Variants in KATNAL2 observed in about 807,000 individuals in gnomAD.
KATNAL2 encodes katanin catalytic subunit A1 like 2, also known as katanin p60 ATPase-containing subunit A-like 2.
A neutral mutation model predicts 76.3 loss-of-function variants in KATNAL2; 52 were observed. The observed-to-expected ratio is 0.68, with a 90% confidence interval of 0.55 to 0.86. The LOEUF is 0.86. Ranked by LOEUF, KATNAL2 falls within the 40% of genes least tolerant of loss-of-function variation. The pLI, the probability that KATNAL2 is intolerant of heterozygous loss-of-function variation, is 0.00. For missense variants in KATNAL2, 660 were observed against 668.9 expected, an observed-to-expected ratio of 0.99 and a Z score of 0.15; for synonymous variants, 243 against 244.2, an observed-to-expected ratio of 1.00 and a Z score of 0.05.
At chr18:47,060,648 C>T (rs940261464) in intron 8 of KATNAL2, among the ~76,000 whole-genome samples, 1 of 152,162 alleles carries the variant, frequency 6.6e-6, no homozygotes, top group African/African-American at 2.4e-5. Context: ...GTGCTCAAAC[C>T]TCTGGAGTGC....
chr18:47,032,031 G>A (rs889385232), intron 3 of KATNAL2, among the ~76,000 whole-genome samples: 3 of 152,166 alleles, frequency 2.0e-5, no homozygotes, highest in Non-Finnish European at 2.9e-5. Flanking sequence ...AGTTAACCCG[G>A]TCCTTTCATG....
At chr18:47,061,331 G>T (rs1435019002) in intron 8 of KATNAL2, among the ~76,000 whole-genome samples, 1 of 152,194 alleles carries the variant, frequency 6.6e-6, no homozygotes, top group Non-Finnish European at 1.5e-5. Flanking sequence ...AAGGCAAGGG[G>T]ACCTGGCATG....
intron 3 of KATNAL2, among the ~76,000 whole-genome samples, chr18:47,039,004 CT>C (rs924412919): frequency 3.9e-5 from 6 of 152,274 alleles, no homozygotes; most frequent in Admixed American, 6.5e-5. Flanking sequence ...CAGAAACAGG[CT>C]CTGTCTGGGG....
chr18:47,083,832 A>G (rs980282220), intron 15 of KATNAL2, among the ~76,000 whole-genome samples: 6 of 152,244 alleles, frequency 3.9e-5, no homozygotes, highest in Non-Finnish European at 8.8e-5. Context: ...CAGGCCCATT[A>G]AGGCAAATGT....
chr18:46,936,082 C>T (rs1428316090), intron 1 of KATNAL2, among the ~76,000 whole-genome samples: 1 of 152,080 alleles, frequency 6.6e-6, no homozygotes, highest in East Asian at 1.9e-4. Context: ...GTGTATGATA[C>T]AGAACCACAA....
intron 15 of KATNAL2, among the ~76,000 whole-genome samples, chr18:47,083,440 C>T (rs1027569133): frequency 6.6e-5 from 10 of 152,238 alleles, no homozygotes; most frequent in East Asian, 5.8e-4. Flanking sequence ...TTGCATCGTC[C>T]GGGGCACTAG....
At chr18:46,927,213 T>C (rs1309588616) in intron 1 of KATNAL2, among the ~76,000 whole-genome samples, 1 of 152,226 alleles carries the variant, frequency 6.6e-6, no homozygotes, top group Non-Finnish European at 1.5e-5. Context: ...GTTTTTGCAG[T>C]GGCTGGTACT....
intron 13 of KATNAL2, among the ~76,000 whole-genome samples, chr18:47,070,986 G>A (rs557527214): frequency 3.3e-5 from 5 of 152,244 alleles, no homozygotes; most frequent in South Asian, 4.2e-4. Context: ...GTTCAGTTAC[G>A]GTTGGCCCTT....
chr18:46,954,621 G>A (rs8086295), intron 3 of KATNAL2, among the ~76,000 whole-genome samples: 6 of 151,888 alleles, frequency 4.0e-5, no homozygotes, highest in South Asian at 2.1e-4. Flanking sequence ...GAGCCCCCGC[G>A]CCTGGCATCT....
chr18:47,072,960 C>A (rs2062058403), intron 13 of KATNAL2, among the ~76,000 whole-genome samples: 1 of 152,080 alleles, frequency 6.6e-6, no homozygotes, highest in African/African-American at 2.4e-5. Context: ...TAGTCTCTTG[C>A]TATTATGAAC....
At chr18:46,925,758 C>A (rs963831557) in intron 1 of KATNAL2, among the ~76,000 whole-genome samples, 2 of 152,134 alleles carry the variant, frequency 1.3e-5, no homozygotes, top group African/African-American at 4.8e-5. Context: ...GCCTCAATTT[C>A]AGAGCCTGTT....
chr18:47,063,253 G>T, intron 9 of KATNAL2, 31 bp from the exon 10 acceptor site: 1 of 1,604,740 alleles, frequency 6.2e-7, no homozygotes, highest in Non-Finnish European at 8.5e-7. Context: ...AAGCAATATT[G>T]TAATGTGAGC....
chr18:47,034,889 G>T, intron 3 of KATNAL2: 1 of 1,612,112 alleles, frequency 6.2e-7, no homozygotes, highest in Non-Finnish European at 8.5e-7. Flanking sequence ...CTGTGCTCAG[G>T]GCTGTGAGAT....
intron 3 of KATNAL2, among the ~76,000 whole-genome samples, chr18:46,960,796 A>G (rs946838350): frequency 3.3e-5 from 5 of 152,240 alleles, no homozygotes; most frequent in African/African-American, 4.8e-5. Context: ...AAGCTTAACA[A>G]CAAGCTCTGA....
At chr18:47,100,224 G>T in intron 16 of KATNAL2, 30 bp from the exon 17 acceptor site, 2 of 1,547,596 alleles carry the variant, frequency 1.3e-6, no homozygotes, top group South Asian at 2.2e-5. Context: ...TCTGCCCACT[G>T]ACCAATGGCT....
chr18:46,928,135 C>T (rs532017166), intron 1 of KATNAL2, among the ~76,000 whole-genome samples: 4 of 152,326 alleles, frequency 2.6e-5, no homozygotes, highest in Admixed American at 6.5e-5. Flanking sequence ...TGAGGAGCTG[C>T]GTTCCTTTGG....
chr18:46,920,171 C>T, intron 1 of KATNAL2: 1 of 809,810 alleles, frequency 1.2e-6, no homozygotes, highest in Non-Finnish European at 1.8e-6. Context: ...AGGTGCTGCC[C>T]TAGACTGGCC....
At chr18:46,926,816 A>G (rs1478510461) in intron 1 of KATNAL2, among the ~76,000 whole-genome samples, 1 of 152,122 alleles carries the variant, frequency 6.6e-6, no homozygotes, top group Non-Finnish European at 1.5e-5. Context: ...TTCTTGTTGA[A>G]TTGATCCCTT....
Position 47,058,316 on chromosome 18 carries a change from G to C in KATNAL2, c.414G>C (p.Gly138=). 6.2e-7 allele frequency: 1 copy of C among 1,613,872 alleles called. No homozygotes were observed. The highest frequency in any genetic ancestry group is 8.5e-7 in the Non-Finnish European group (1 of 1,179,824). Residue 138 remains glycine (G), a synonymous_variant, in exon 7 of 18, where the codon GGG becomes GGC. Coordinates refer to ENST00000683218, the MANE Select transcript of KATNAL2 (RefSeq NM_001387690.1). Reference sequence around the variant, plus strand: ...CCAAAACCACAGCGGGGAAGACAGGGGACACCAAATCGCTCAATAAGGAGC... The same window carrying C: ...CCAAAACCACAGCGGGGAAGACAGGCGACACCAAATCGCTCAATAAGGAGC... The part of the protein sequence containing the change: ...PRSKTTAGKT[G]DTKSLNKEHP...
Sources: allele counts gnomAD v4.1 joint callset (sites outside exome capture counted in the v4.1 genomes callset), GRCh38; gene constraint gnomAD v4.1.1; transcripts MANE v1.5; gene names NCBI Gene and HGNC (gene_info 2026-07-23, HGNC 2026-07-21).